The following AGBL4 variants were observed in gnomAD, a reference collection of about 807,000 sequenced individuals.
AGBL4 encodes the protein AGBL carboxypeptidase 4, also known as cytosolic carboxypeptidase 6.
In AGBL4, 58 loss-of-function variants were observed where a neutral mutation model predicts 66.4. The observed-to-expected ratio is 0.87, with a 90% CI of 0.71 to 1.09. AGBL4 has a LOEUF of 1.09. Ranked by LOEUF, AGBL4 falls within the 50% of genes least tolerant of loss-of-function variation. The pLI, the probability that AGBL4 is intolerant of heterozygous loss-of-function variation, is 0.00. For missense variants in AGBL4, 579 were observed against 631.0 expected (o/e 0.92, Z 0.88); for synonymous variants, 234 against 222.9 (o/e 1.05, Z -0.44).
At chr1:49,113,801 T>G (rs995910652) in intron 4 of AGBL4, among the ~76,000 whole-genome samples, 1 of 152,244 alleles carries the variant, frequency 6.6e-6, no homozygotes, top group Non-Finnish European at 1.5e-5. Flanking sequence ...GGTGACCATG[T>G]GCATTGTCAG....
intron 3 of AGBL4, among the ~76,000 whole-genome samples, chr1:49,546,369 T>C (rs1652487979): frequency 6.6e-6 from 1 of 151,302 alleles, no homozygotes; most frequent in Non-Finnish European, 1.5e-5. Context: ...ATTCCATCAT[T>C]ATATATATAC....
rs1646492062 is a variant in AGBL4, at chr1:48,683,896, A to T, written c.635-20655T>A. On this transcript the variant is annotated intron_variant, in intron 6 of 13. Transcript: ENST00000371839. ...GAGAATGAATGAGGAAGACGGCCTA[A>T]GTCATCCTTCCAGTTTTGAGGCAAC... 2.0e-5 allele frequency among the ~76,000 whole-genome samples: 3 copies of T among 152,242 alleles called. No individual in the cohort carries two copies. The South Asian group carries it at 6.2e-4, about 32-fold the overall frequency.
intron 4 of AGBL4, among the ~76,000 whole-genome samples, chr1:49,139,039 G>T (rs562629133): frequency 2.0e-5 from 3 of 152,124 alleles, no homozygotes; most frequent in African/African-American, 7.2e-5. Flanking sequence ...AGCAAAGGGG[G>T]AAGTGCTGCA....
intron 3 of AGBL4, among the ~76,000 whole-genome samples, chr1:49,291,906 T>C (rs76124015): frequency 0.035 from 5,351 of 152,302 alleles, 136 homozygotes; most frequent in East Asian, 0.056. Flanking sequence ...GCCATCGATA[T>C]GGAACTGGGT....
At chr1:48,613,852 A>G (rs149813377) in intron 9 of AGBL4, among the ~76,000 whole-genome samples, 1 of 152,390 alleles carries the variant, frequency 6.6e-6, no homozygotes, top group Admixed American at 6.5e-5. Context: ...GCTAACCACA[A>G]TAATACAGCA....
chr1:48,792,657 T>C (rs1323862114), intron 6 of AGBL4, among the ~76,000 whole-genome samples: 1 of 152,192 alleles, frequency 6.6e-6, no homozygotes, highest in Non-Finnish European at 1.5e-5. Context: ...AAAAGGATAG[T>C]TGGAGCTGAT....
At chr1:49,799,228 C>T (rs916416849) in intron 2 of AGBL4, among the ~76,000 whole-genome samples, 1 of 151,982 alleles carries the variant, frequency 6.6e-6, no homozygotes, top group South Asian at 2.1e-4. Context: ...AATAATTAGG[C>T]CTACTTCACT....
intron 3 of AGBL4, among the ~76,000 whole-genome samples, chr1:49,331,724 A>T (rs944344655): frequency 6.6e-6 from 1 of 151,972 alleles, no homozygotes; most frequent in Non-Finnish European, 1.5e-5. Context: ...CAACCAGACT[A>T]TCCTGCAGAC....
intron 3 of AGBL4, among the ~76,000 whole-genome samples, chr1:49,287,767 G>C (rs61783589): frequency 0.43 from 59,723 of 140,372 alleles, 14,812 homozygotes; most frequent in Non-Finnish European, 0.57. Context: ...CTGTTGGTGG[G>C]ACTGTAAACT....
chr1:48,579,554 G>A (rs942341725), intron 11 of AGBL4, among the ~76,000 whole-genome samples: 2 of 150,906 alleles, frequency 1.3e-5, no homozygotes, highest in Admixed American at 6.6e-5. Context: ...TATTGTTTTC[G>A]AATCAAGAAC....
rs148038893 is a variant in AGBL4 at position 48,698,803 on chromosome 1, T to C, written c.635-35562A>G. Among the ~76,000 whole-genome samples the C allele has an allele frequency of 1.1e-4, 16 of 152,332 alleles. No homozygotes were observed. The East Asian group carries it at 2.9e-3, about 28-fold the overall frequency. ...CAACACCCTGGCGAGGTAATGCTGTTGTCCTATTTTATAGATGAGAATGCT... is the reference window on the plus strand; with the variant it reads ...CAACACCCTGGCGAGGTAATGCTGTCGTCCTATTTTATAGATGAGAATGCT... On this transcript the variant is annotated intron_variant, in intron 6 of 13. Coordinates refer to ENST00000371839, the MANE Select transcript of AGBL4 (RefSeq NM_032785.4).
chr1:49,134,457 G>C (rs1227267999), intron 4 of AGBL4, among the ~76,000 whole-genome samples: 1 of 145,004 alleles, frequency 6.9e-6, no homozygotes, highest in Non-Finnish European at 1.5e-5. Flanking sequence ...GACACTCCCA[G>C]AGCAGCCATT....
intron 1 of AGBL4, among the ~76,000 whole-genome samples, chr1:49,911,178 G>A (rs1259830095): frequency 6.6e-6 from 1 of 152,174 alleles, no homozygotes; most frequent in African/African-American, 2.4e-5. Flanking sequence ...GAATGTGGGA[G>A]TGGGGTTGTA....
intron 2 of AGBL4, among the ~76,000 whole-genome samples, chr1:49,818,091 A>G (rs562481698): frequency 6.6e-6 from 1 of 152,272 alleles, no homozygotes; most frequent in South Asian, 2.1e-4. Flanking sequence ...CTAGAAATGC[A>G]ATGACATTGA....
chr1:48,884,161 G>A (rs1467013152), intron 5 of AGBL4, among the ~76,000 whole-genome samples: 1 of 152,074 alleles, frequency 6.6e-6, no homozygotes, highest in Non-Finnish European at 1.5e-5. Flanking sequence ...TGTTTTTCAG[G>A]CACCTGTTAT....
intron 3 of AGBL4, among the ~76,000 whole-genome samples, chr1:49,690,053 C>A (rs541357673): frequency 6.6e-6 from 1 of 152,304 alleles, no homozygotes; most frequent in South Asian, 2.1e-4. Flanking sequence ...GATCAGTCAG[C>A]AGCCATGAAC....
intron 3 of AGBL4, among the ~76,000 whole-genome samples, chr1:49,553,909 T>A (rs1653180190): frequency 6.6e-6 from 1 of 152,204 alleles, no homozygotes; most frequent in Admixed American, 6.5e-5. Context: ...GAGGTTGAGA[T>A]GGGAGGATCC....
At chr1:49,548,024 G>C (rs539481235) in intron 3 of AGBL4, among the ~76,000 whole-genome samples, 1 of 152,004 alleles carries the variant, frequency 6.6e-6, no homozygotes, top group African/African-American at 2.4e-5. Flanking sequence ...CGCCTGCCTT[G>C]GCCTCCCAAA....
chr1:50,008,442 G>T (rs993602284), intron 1 of AGBL4, among the ~76,000 whole-genome samples: 1 of 151,972 alleles, frequency 6.6e-6, no homozygotes, highest in African/African-American at 2.4e-5. Flanking sequence ...AATTAAGAAA[G>T]AAATTGAACA....
Sources: gnomAD v4.1 joint callset for allele counts (sites outside exome capture counted in the v4.1 genomes callset) on GRCh38, gnomAD v4.1.1 for gene constraint, MANE v1.5 for transcripts, NCBI Gene and HGNC (gene_info 2026-07-23, HGNC 2026-07-21) for gene names.